The following OR51B5 variants were observed in gnomAD, a reference collection of about 807,000 sequenced individuals.
OR51B5 encodes the protein olfactory receptor 51B5.
For missense variants in OR51B5, 456 were observed against 374.6 expected, an observed-to-expected ratio of 1.22 and a Z score of -1.79; for synonymous variants, 186 against 144.8, an observed-to-expected ratio of 1.28 and a Z score of -2.04.
intron 1 of OR51B5, among the ~76,000 whole-genome samples, chr11:5,350,166 C>G (rs1037021823): frequency 6.6e-6 from 1 of 152,142 alleles, no homozygotes; most frequent in African/African-American, 2.4e-5. Flanking sequence ...TTTCCCCTTA[C>G]TTTGTGTCAA....
At chr11:5,378,815 G>A (rs1039430426) in intron 1 of OR51B5, among the ~76,000 whole-genome samples, 1 of 150,770 alleles carries the variant, frequency 6.6e-6, no homozygotes, top group Admixed American at 6.6e-5. Flanking sequence ...GGAAACAACA[G>A]GTGCTGGAGA....
chr11:5,373,119 A>T (rs565120695), intron 1 of OR51B5, among the ~76,000 whole-genome samples: 3 of 152,338 alleles, frequency 2.0e-5, no homozygotes, highest in Admixed American at 2.0e-4. Context: ...ATCCAAATGC[A>T]AAAGAATAAA....
chr11:5,351,352 CTCCCAGGAATGACTAAA>C (rs1849082413), intron 1 of OR51B5, among the ~76,000 whole-genome samples: 1 of 152,168 alleles, frequency 6.6e-6, no homozygotes, highest in South Asian at 2.1e-4. Flanking sequence ...TACCTAGGAT[CTCCCAGGAATGACTAAA>C]TTATCATCCT....
intron 1 of OR51B5, chr11:5,455,140 T>C (rs1850930985): frequency 1.3e-5 from 2 of 152,200 alleles, no homozygotes. Flanking sequence ...CAGATTCTTC[T>C]TTACTTCTTT....
exon 1 of OR51B5, chr11:5,342,604 G>C (rs780009214): frequency 1.3e-6 from 2 of 1,591,084 alleles, no homozygotes; most frequent in East Asian, 4.5e-5. Flanking sequence ...CAATTCTATG[G>C]GTAGTAAAAA....
intron 1 of OR51B5, among the ~76,000 whole-genome samples, chr11:5,474,764 C>T (rs771507726): frequency 2.6e-5 from 4 of 152,236 alleles, no homozygotes; most frequent in African/African-American, 4.8e-5. Context: ...GAAAAAACCA[C>T]GCTGAAGGAG....
intron 1 of OR51B5, chr11:5,431,338 AACC>A (rs1850532721): frequency 3.4e-6 from 1 of 295,146 alleles, no homozygotes; most frequent in Admixed American, 4.4e-5. Flanking sequence ...GTGGGCATCA[AACC>A]AAAGAATGCC....
chr11:5,363,232 ACCCC>A (rs1849312289), intron 1 of OR51B5, among the ~76,000 whole-genome samples: 1 of 78,936 alleles, frequency 1.3e-5, no homozygotes, highest in African/African-American at 5.8e-5. Flanking sequence ...AACGAACCCA[ACCCC>A]TCACACACAC....
At chr11:5,409,695 A>G (rs1850114313) in intron 1 of OR51B5, among the ~76,000 whole-genome samples, 2 of 152,204 alleles carry the variant, frequency 1.3e-5, no homozygotes, top group African/African-American at 2.4e-5. Context: ...AAAATGTAAC[A>G]TTCATGGAAA....
At chr11:5,490,004 C>T (rs1851559314) in intron 1 of OR51B5, among the ~76,000 whole-genome samples, 1 of 152,178 alleles carries the variant, frequency 6.6e-6, no homozygotes, top group Non-Finnish European at 1.5e-5. Context: ...AAGTGAAAAA[C>T]AAAGAAAAGG....
intron 1 of OR51B5, among the ~76,000 whole-genome samples, chr11:5,396,963 C>G (rs1338098535): frequency 1.3e-5 from 2 of 152,208 alleles, no homozygotes; most frequent in East Asian, 3.8e-4. Context: ...AAAGGATTCC[C>G]TGTTTAATAA....
At chr11:5,352,958 C>T (rs4298932) in intron 1 of OR51B5, among the ~76,000 whole-genome samples, 39,631 of 149,876 alleles carry the variant, frequency 0.26, 5,506 homozygotes, top group African/African-American at 0.31. Flanking sequence ...GGGTCACCGG[C>T]ATTTCAGTCA....
Position 5,475,651 on chromosome 11 carries a change from AG to A in OR51B5, n.84+29917del, listed in dbSNP as rs544460071. ...TTAAATGATCTAACATAAATGGAAAAGTATGCATTTATTGCCTTTCTTCTAT... is the reference window on the plus strand; with the variant it reads ...TTAAATGATCTAACATAAATGGAAAATATGCATTTATTGCCTTTCTTCTAT... On this transcript the variant is annotated intron_variant and non_coding_transcript_variant, in intron 1 of 4. Coordinates refer to the OR51B5 transcript ENST00000415970. Among the ~76,000 whole-genome samples the A allele has an allele frequency of 9.8e-4, 149 of 152,338 alleles. 1 individual carries two copies. Among genetic ancestry groups the A allele is most frequent in the African/African-American group, 3.4e-3 (141 of 41,582 alleles).
At chr11:5,352,597 G>A in intron 1 of OR51B5, 3 of 605,316 alleles carry the variant, frequency 5.0e-6, no homozygotes, top group Non-Finnish European at 8.7e-6. Context: ...CTGCTACTTA[G>A]AACATTATTT....
chr11:5,376,136 C>G (rs1849524516), intron 1 of OR51B5, among the ~76,000 whole-genome samples: 1 of 151,958 alleles, frequency 6.6e-6, no homozygotes, highest in African/African-American at 2.4e-5. Flanking sequence ...TGCAATCAAA[C>G]TAGAACTCAG....
chr11:5,343,259 T>A lies in OR51B5; in HGVS notation c.266A>T (p.Glu89Val). Reference sequence around the variant, plus strand: ...GGAAAAGCAGGCCGCACTTCCAATCTCCCTGTGATCCAGCCAGAGGACTCC... The same window carrying A: ...GGAAAAGCAGGCCGCACTTCCAATCACCCTGTGATCCAGCCAGAGGACTCC... Residue 89 changes from glutamate to valine, a missense_variant, in exon 1 of 1, where the codon GAG (glutamate) becomes GTG (valine). By Grantham distance (121) the Glu-to-Val change is moderately radical (BLOSUM62 -2). Transcript: ENST00000300773. 12 of 1,613,374 alleles carry A rather than the reference T, an allele frequency of 7.4e-6. No individual in the cohort carries two copies. Among genetic ancestry groups the A allele is most frequent in the Non-Finnish European group, 1.0e-5 (12 of 1,179,686 alleles).
At chr11:5,410,367 G>A (rs1850128188) in intron 1 of OR51B5, among the ~76,000 whole-genome samples, 1 of 151,964 alleles carries the variant, frequency 6.6e-6, no homozygotes, top group African/African-American at 2.4e-5. Flanking sequence ...GCATTACTGG[G>A]AAAATTGAAA....
At chr11:5,430,267 TA>T (rs1850515451) in intron 1 of OR51B5, among the ~76,000 whole-genome samples, 1 of 152,192 alleles carries the variant, frequency 6.6e-6, no homozygotes, top group Non-Finnish European at 1.5e-5. Flanking sequence ...ACCTAACCCA[TA>T]AAAATAGAAT....
chr11:5,499,060 A>G (rs974542666), intron 1 of OR51B5, among the ~76,000 whole-genome samples: 4 of 152,186 alleles, frequency 2.6e-5, no homozygotes, highest in Admixed American at 6.5e-5. Flanking sequence ...CAAGGCTGCA[A>G]AGGCAGGGAC....
Sources: allele counts gnomAD v4.1 joint callset (sites outside exome capture counted in the v4.1 genomes callset), GRCh38; gene constraint gnomAD v4.1.1; transcripts MANE v1.5; gene names NCBI Gene and HGNC (gene_info 2026-07-23, HGNC 2026-07-21).